Variants in DIS3L2 observed in about 807,000 individuals in gnomAD.
The protein encoded by DIS3L2 is DIS3-like exonuclease 2.
A neutral mutation model predicts 97.5 loss-of-function variants in DIS3L2; 34 were observed. That is an observed-to-expected ratio of 0.35 (90% CI 0.27 to 0.46). DIS3L2 has a LOEUF of 0.46. DIS3L2 is among the 20% of genes least tolerant of loss of function. DIS3L2 has a pLI of 1.00. For missense variants in DIS3L2, 1,038 were observed against 1,146.0 expected (o/e 0.91, Z 1.36); for synonymous variants, 435 against 445.2 (o/e 0.98, Z 0.29).
intron 5 of DIS3L2, among the ~76,000 whole-genome samples, chr2:232,049,500 G>T (rs1695341414): frequency 6.6e-6 from 1 of 152,074 alleles, no homozygotes; most frequent in Admixed American, 6.6e-5. Flanking sequence ...TCGTACTCTT[G>T]CCCTTCTGCC....
chr2:232,262,840 T>C (rs538910742), intron 12 of DIS3L2, among the ~76,000 whole-genome samples: 1 of 152,310 alleles, frequency 6.6e-6, no homozygotes, highest in East Asian at 1.9e-4. Context: ...GCAGAGTCCC[T>C]GTCTGCCACA....
At chr2:231,962,437 C>CTTTTT in intron 1 of DIS3L2, among the ~76,000 whole-genome samples, 1 of 132,052 alleles carries the variant, frequency 7.6e-6, no homozygotes, top group East Asian at 2.2e-4. Context: ...CTACCGTTAC[C>CTTTTT]TTTTTTTTTT....
At chr2:232,329,788 C>CGGGGGCG in intron 14 of DIS3L2, 25 bp from the exon 15 acceptor site, 6 of 1,080,632 alleles carry the variant, frequency 5.6e-6, no homozygotes, top group African/African-American at 3.2e-5. Flanking sequence ...CCAGCGGTCC[C>CGGGGGCG]TCCCATCCCA....
intron 8 of DIS3L2, among the ~76,000 whole-genome samples, chr2:232,144,716 C>T (rs928732364): frequency 9.9e-5 from 15 of 152,140 alleles, no homozygotes; most frequent in Non-Finnish European, 1.8e-4. Context: ...GGTCCAGAAT[C>T]CCGTAATACA....
At chr2:232,074,373 T>A (rs1194597985) in intron 5 of DIS3L2, among the ~76,000 whole-genome samples, 2 of 152,202 alleles carry the variant, frequency 1.3e-5, no homozygotes, top group Admixed American at 6.5e-5. Flanking sequence ...TTGCAAATGC[T>A]TCTTTTACAG....
chr2:232,030,115 C>T (rs769979696), intron 5 of DIS3L2, 35 bp downstream of exon 5: 1 of 1,580,368 alleles, frequency 6.3e-7, no homozygotes, highest in South Asian at 1.1e-5. Context: ...TTACAGATTT[C>T]TTAGGGTCTT....
chr2:232,257,268 C>T (rs146313200), intron 12 of DIS3L2, among the ~76,000 whole-genome samples: 2,035 of 152,270 alleles, frequency 0.013, 21 homozygotes, highest in Middle Eastern at 0.031. Context: ...CTAGCCACCC[C>T]ACTGCCTCTG....
At chr2:232,234,123 G>A (rs1365787619) in intron 10 of DIS3L2, among the ~76,000 whole-genome samples, 1 of 152,124 alleles carries the variant, frequency 6.6e-6, no homozygotes, top group African/African-American at 2.4e-5. Flanking sequence ...ATGGCGAGGG[G>A]TAATAAAAGG....
intron 5 of DIS3L2, among the ~76,000 whole-genome samples, chr2:232,051,054 C>G (rs534805583): frequency 6.6e-6 from 1 of 152,150 alleles, no homozygotes; most frequent in Non-Finnish European, 1.5e-5. Flanking sequence ...AAGGAAGAGA[C>G]GCATGCATTC....
chr2:232,112,848 A>G (rs1697581147), intron 6 of DIS3L2, among the ~76,000 whole-genome samples: 1 of 152,078 alleles, frequency 6.6e-6, no homozygotes, highest in African/African-American at 2.4e-5. Flanking sequence ...AAAAGAGGAC[A>G]ATGTATTTCC....
chr2:232,107,137 C>G (rs1178612683), intron 6 of DIS3L2, among the ~76,000 whole-genome samples: 1 of 152,042 alleles, frequency 6.6e-6, no homozygotes, highest in Non-Finnish European at 1.5e-5. Flanking sequence ...GCAATAAACG[C>G]CCACATCAAA....
intron 1 of DIS3L2, among the ~76,000 whole-genome samples, chr2:231,968,032 C>A (rs891836040): frequency 2.0e-5 from 3 of 149,824 alleles, no homozygotes; most frequent in Non-Finnish European, 4.4e-5. Flanking sequence ...GGACATTGAT[C>A]ATATCTATTA....
chr2:232,141,282 T>C (rs1269959627), intron 8 of DIS3L2, among the ~76,000 whole-genome samples: 12 of 152,192 alleles, frequency 7.9e-5, no homozygotes, highest in Admixed American at 7.9e-4. Context: ...AGATTTGTCA[T>C]GGTTTCTTCT....
At chr2:232,342,122 C>CAT (rs760381068), downstream of DIS3L2, among the ~76,000 whole-genome samples, 76 of 151,140 alleles carry the variant, frequency 5.0e-4, no homozygotes, top group Middle Eastern at 3.2e-3. Flanking sequence ...GTGTGTGTAG[C>CAT]ATATATATAT....
chr2:232,251,934 C>T (rs973174774), intron 12 of DIS3L2, among the ~76,000 whole-genome samples: 1 of 152,072 alleles, frequency 6.6e-6, no homozygotes, highest in African/African-American at 2.4e-5. Flanking sequence ...TGTGCTTCAC[C>T]AAAATGAAGG....
chr2:232,329,785 T>TCCCGGGGCCCCC, intron 14 of DIS3L2, 28 bp from the exon 15 acceptor site: 25 of 967,124 alleles, frequency 2.6e-5, no homozygotes, highest in East Asian at 9.3e-5. Flanking sequence ...ACCCCAGCGG[T>TCCCGGGGCCCCC]CCCTCCCATC....
chr2:232,335,815 A>C lies in DIS3L2; in HGVS notation c.2437A>C (p.Lys813Gln). 6.4e-7 allele frequency: 1 copy of C among 1,550,856 alleles called. No individual in the cohort carries two copies. Among genetic ancestry groups the C allele is most frequent in the Non-Finnish European group, 8.7e-7 (1 of 1,147,034 alleles). Residue 813 changes from lysine to glutamine, a missense_variant, in exon 20 of 21, where the codon AAG (lysine) becomes CAG (glutamine). Transcript: ENST00000325385. ...RSHHFQKVGK[K>Q]PELTLVWEPE... ...CCACCACTTCCAGAAGGTGGGCAAG[A>C]AGCCGGAACTCACGCTGGTCTGGGA... is the stretch of plus-strand genomic sequence containing the variant.
intron 1 of DIS3L2, among the ~76,000 whole-genome samples, chr2:231,995,936 T>A (rs1320558163): frequency 6.6e-6 from 1 of 152,218 alleles, no homozygotes; most frequent in African/African-American, 2.4e-5. Flanking sequence ...ATTGGTCATT[T>A]GGGACAAAAG....
chr2:232,195,741 C>A (rs778569750), intron 9 of DIS3L2, among the ~76,000 whole-genome samples: 2 of 152,050 alleles, frequency 1.3e-5, no homozygotes, highest in Non-Finnish European at 2.9e-5. Flanking sequence ...GATGAACCCC[C>A]ACTCCCTGCC....
Sources: gnomAD v4.1 joint callset for allele counts (sites outside exome capture counted in the v4.1 genomes callset) on GRCh38, gnomAD v4.1.1 for gene constraint, MANE v1.5 for transcripts, NCBI Gene and HGNC (gene_info 2026-07-23, HGNC 2026-07-21) for gene names.